The following ADD1 variants were observed in gnomAD, a reference collection of about 807,000 sequenced individuals.
The protein encoded by ADD1 is adducin 1, also known as alpha-adducin.
A neutral mutation model predicts 80.5 loss-of-function variants in ADD1; 24 were observed. That is an observed-to-expected ratio of 0.30 (90% CI 0.22 to 0.42). The LOEUF (loss-of-function observed/expected upper bound fraction) is 0.42, where lower values mean the gene tolerates loss of function less well. Ranked by LOEUF, ADD1 falls within the 10% of genes least tolerant of loss-of-function variation. The pLI is 1.00. For synonymous variants in ADD1, 373 were observed against 393.8 expected (o/e 0.95, Z 0.63); for missense variants, 948 against 1,019.0 (o/e 0.93, Z 0.95).
At chr4:2,914,829 G>A in intron 13 of ADD1, 55 bp from the exon 14 acceptor site, 1 of 1,534,242 alleles carries the variant, frequency 6.5e-7, no homozygotes, top group Non-Finnish European at 8.8e-7. Context: ...CTGGGAGGAG[G>A]GAGAGTCCCC....
At chr4:2,892,141 A>G (rs889046566) in intron 4 of ADD1, among the ~76,000 whole-genome samples, 1 of 152,158 alleles carries the variant, frequency 6.6e-6, no homozygotes, top group African/African-American at 2.4e-5. Context: ...TAAAACAAGC[A>G]GACCCTGGGT....
At position 2,875,990 on chromosome 4, in the gene ADD1, C is replaced by A. The variant is rs199855248; in HGVS notation, c.75C>A (p.Phe25Leu). 1.2e-6 allele frequency: 2 copies of A among 1,613,858 alleles called. No homozygotes were observed. Among genetic ancestry groups the A allele is most frequent in the African/African-American group, 2.7e-5 (2 of 74,902 alleles). ...PTTAPHKERYFDRVDENNPEY... is the reference protein window; with the variant it reads ...PTTAPHKERYLDRVDENNPEY... ...CAGCCCCTCACAAGGAGAGGTACTT[C>A]GACCGAGTAGATGAGAACAACCCAG... The change falls in exon 2 of 16, where the codon TTC (phenylalanine) becomes TTA (leucine). Residue 25 changes from phenylalanine to leucine, a missense_variant. Phe to Leu is a conservative substitution (Grantham distance 22, BLOSUM62 0). Coordinates refer to ENST00000683351, the MANE Select transcript of ADD1 (RefSeq NM_001354761.2).
chr4:2,903,753 G>A (rs1736583602), intron 9 of ADD1, among the ~76,000 whole-genome samples: 1 of 152,276 alleles, frequency 6.6e-6, no homozygotes, highest in South Asian at 2.1e-4. Flanking sequence ...TGGGGCCACT[G>A]TGAAGTCTGT....
At chr4:2,879,772 A>AC (rs376298248) in intron 2 of ADD1, among the ~76,000 whole-genome samples, 65 of 152,088 alleles carry the variant, frequency 4.3e-4, no homozygotes, top group Middle Eastern at 6.8e-3. Context: ...ACAAGCGTGC[A>AC]CCACCATACC....
chr4:2,919,682 C>T (rs1053310412), intron 14 of ADD1, among the ~76,000 whole-genome samples: 6 of 151,994 alleles, frequency 3.9e-5, no homozygotes, highest in Non-Finnish European at 8.8e-5. Context: ...CAGTGGTGAT[C>T]TCCCCTTTAT....
At chr4:2,900,393 A>G (rs962433270) in intron 9 of ADD1, 3 of 152,364 alleles carry the variant, frequency 2.0e-5, no homozygotes. Context: ...GGGGGTCACG[A>G]TGGTCCGTCC....
intron 1 of ADD1, among the ~76,000 whole-genome samples, chr4:2,861,871 C>T (rs932764442): frequency 1.3e-5 from 2 of 152,128 alleles, no homozygotes; most frequent in Non-Finnish European, 2.9e-5. Flanking sequence ...CACATGTGGC[C>T]CAGGACAGCT....
At chr4:2,846,448 C>T (rs1360203875) in intron 1 of ADD1, among the ~76,000 whole-genome samples, 1 of 152,078 alleles carries the variant, frequency 6.6e-6, no homozygotes, top group Admixed American at 6.5e-5. Flanking sequence ...TGTTCGCAGC[C>T]CTTGATTGTC....
At chr4:2,876,910 G>C (rs180673417) in intron 2 of ADD1, among the ~76,000 whole-genome samples, 1 of 151,834 alleles carries the variant, frequency 6.6e-6, no homozygotes, top group Admixed American at 6.6e-5. Flanking sequence ...GCTGAGGCAG[G>C]AGAATCACTT....
rs145030803 is a variant in ADD1 at position 2,908,027 on chromosome 4, A to G, written c.1608+183A>G. Among the ~76,000 whole-genome samples the G allele has an allele frequency of 9.9e-4, 151 of 152,330 alleles. 1 individual carries two copies. Among genetic ancestry groups the G allele is most frequent in the Admixed American group, 3.5e-3 (54 of 15,302 alleles). On this transcript the variant is annotated intron_variant, in intron 11 of 15. Coordinates refer to ENST00000683351, the MANE Select transcript of ADD1 (RefSeq NM_001354761.2). ...CACCAGTGTGAAGTATGAGCAGCAG[A>G]CATTTTTTGGGCCCTATTGATTCTT...
intron 14 of ADD1, among the ~76,000 whole-genome samples, chr4:2,919,233 C>T (rs915730681): frequency 2.0e-5 from 3 of 152,164 alleles, no homozygotes; most frequent in African/African-American, 7.2e-5. Context: ...ATTCGGTTTG[C>T]CAGTATTTCA....
intron 1 of ADD1, among the ~76,000 whole-genome samples, chr4:2,867,368 G>A (rs2108850621): frequency 6.6e-6 from 1 of 152,294 alleles, no homozygotes; most frequent in East Asian, 1.9e-4. Context: ...AGGAGTATGA[G>A]TGGAACCAAC....
At chr4:2,867,027 C>G (rs541540866) in intron 1 of ADD1, among the ~76,000 whole-genome samples, 1 of 152,046 alleles carries the variant, frequency 6.6e-6, no homozygotes, top group Admixed American at 6.6e-5. Context: ...GCCAACATCA[C>G]GCCACTGCAC....
intron 10 of ADD1, among the ~76,000 whole-genome samples, chr4:2,906,393 C>CA (rs111722982): frequency 0.06 from 8,252 of 137,342 alleles, 380 homozygotes; most frequent in African/African-American, 0.14. Context: ...CGTTATAAAA[C>CA]AAAAAAAAAA....
At chr4:2,909,259 G>C (rs948041401) in intron 12 of ADD1, 80 bp from the exon 13 acceptor site, 1 of 1,245,420 alleles carries the variant, frequency 8.0e-7, no homozygotes, top group Non-Finnish European at 1.1e-6. Context: ...CATGCTCTTA[G>C]CCAGCTCCAT....
At chr4:2,904,423 G>T (rs1226431345) in intron 9 of ADD1, among the ~76,000 whole-genome samples, 1 of 152,180 alleles carries the variant, frequency 6.6e-6, no homozygotes, top group Non-Finnish European at 1.5e-5. Flanking sequence ...CTTTCACTCA[G>T]CGTTGCCTTC....
chr4:2,876,142 G>A (rs1731252769), intron 2 of ADD1, 32 bp downstream of exon 2: 4 of 1,587,098 alleles, frequency 2.5e-6, no homozygotes, highest in South Asian at 1.2e-5. Flanking sequence ...CTGACCAGAT[G>A]TCATCTTTCC....
Position 2,926,605 on chromosome 4 carries a change from T to A in ADD1, c.2047+493T>A. The A allele has an allele frequency of 6.2e-7, 1 of 1,612,096 alleles. No homozygotes were observed. On this transcript the variant is annotated intron_variant, in intron 15 of 15. Coordinates refer to ENST00000683351, the MANE Select transcript of ADD1 (RefSeq NM_001354761.2). The surrounding 1 kb of genome is among the most constrained non-coding windows in gnomAD (Gnocchi z 5.0). Reference sequence around the variant, plus strand: ...GTGACTGAATGCATAGATTCTCTCCTTGTGCTTTTTTCTCCCTGTGGCTGC... The same window carrying A: ...GTGACTGAATGCATAGATTCTCTCCATGTGCTTTTTTCTCCCTGTGGCTGC...
intron 7 of ADD1, 29 bp downstream of exon 7, chr4:2,898,356 A>G (rs1463520507): frequency 6.2e-7 from 1 of 1,614,222 alleles, no homozygotes; most frequent in Non-Finnish European, 8.5e-7. Flanking sequence ...TGGTATTTAA[A>G]TTACAGCAGA....
Sources: gnomAD v4.1 joint callset for allele counts (sites outside exome capture counted in the v4.1 genomes callset) on GRCh38, gnomAD v4.1.1 for gene constraint, Gnocchi (gnomAD v3.1) non-coding constraint, MANE v1.5 for transcripts, NCBI Gene and HGNC (gene_info 2026-07-23, HGNC 2026-07-21) for gene names.